Variants in PIK3C3 observed in about 807,000 individuals in gnomAD.
PIK3C3 encodes the protein phosphatidylinositol 3-kinase catalytic subunit type 3, also known as PI3-kinase type 3.
In PIK3C3, 95 loss-of-function variants were observed where a neutral mutation model predicts 126.1. That is an observed-to-expected ratio of 0.75 (90% confidence interval 0.64 to 0.89). The LOEUF (loss-of-function observed/expected upper bound fraction) is 0.89, where lower values mean the gene tolerates loss of function less well. Ranked by LOEUF, PIK3C3 falls within the 40% of genes least tolerant of loss-of-function variation. The pLI is 0.00. For missense variants in PIK3C3, 829 were observed against 1,063.2 expected, an observed-to-expected ratio of 0.78 and a Z score of 3.06; for synonymous variants, 374 against 360.0, an observed-to-expected ratio of 1.04 and a Z score of -0.44.
chr18:41,996,955 C>CTA (rs1982055537), intron 9 of PIK3C3, among the ~76,000 whole-genome samples: 1 of 152,058 alleles, frequency 6.6e-6, no homozygotes, highest in African/African-American at 2.4e-5. Context: ...GTTTTGAAGT[C>CTA]AGAGAGACTT....
At chr18:41,989,451 T>G (rs1981664001) in intron 5 of PIK3C3, among the ~76,000 whole-genome samples, 1 of 152,202 alleles carries the variant, frequency 6.6e-6, no homozygotes, top group Non-Finnish European at 1.5e-5. Flanking sequence ...ATTTTCACTT[T>G]ATCATCACCT....
chr18:42,065,663 T>C (rs1334847112), intron 23 of PIK3C3, among the ~76,000 whole-genome samples: 1 of 152,214 alleles, frequency 6.6e-6, no homozygotes, highest in Non-Finnish European at 1.5e-5. Context: ...TTTCCCTGTA[T>C]CCCTGTAAAG....
chr18:41,982,966 A>G (rs529756895), intron 4 of PIK3C3, among the ~76,000 whole-genome samples: 43 of 152,256 alleles, frequency 2.8e-4, no homozygotes, highest in Middle Eastern at 3.4e-3. Context: ...GCAGTCTTCT[A>G]TGGTTGGATA....
chr18:41,990,460 G>C lies in PIK3C3; in HGVS notation c.620G>C (p.Ser207Thr). The C allele has an allele frequency of 6.5e-7, 1 of 1,541,682 alleles. No individual in the cohort carries two copies. The highest frequency in any genetic ancestry group is 8.9e-7 in the Non-Finnish European group (1 of 1,117,874). Residue 207 changes from serine to threonine, a missense_variant and splice_region_variant, in exon 6 of 25, where the codon AGT (serine) becomes ACT (threonine). Physicochemically the swap from Ser to Thr is moderately conservative, Grantham distance 58. This residue lies in a region of PIK3C3 where 313 missense variants were observed against 340.7 expected (regional missense o/e 0.92). Coordinates refer to ENST00000262039, the MANE Select transcript of PIK3C3 (RefSeq NM_002647.4). ...TFREIEMINESEKRSSNFMYL... is the reference protein window; with the variant it reads ...TFREIEMINETEKRSSNFMYL... ...CATGAAAATCATTTTTTTTTTCAGA[G>C]TGAAAAACGAAGTTCTAATTTCATG... is the stretch of plus-strand genomic sequence containing the variant.
intron 22 of PIK3C3, among the ~76,000 whole-genome samples, chr18:42,064,459 A>G (rs1405586363): frequency 6.6e-6 from 1 of 152,174 alleles, no homozygotes; most frequent in Non-Finnish European, 1.5e-5. Context: ...TAAAATATAT[A>G]TATATACTTA....
chr18:42,081,183 C>CTTTGTTT lies in PIK3C3; in HGVS notation c.*46_*47insTTTGTTT. ...GATGCTTGGCTCAATAAGAAAACCACGTTAGGAGCAACCTTTGTATATTGG... is the reference window on the plus strand; with the variant it reads ...GATGCTTGGCTCAATAAGAAAACCACTTTGTTTGTTAGGAGCAACCTTTGTATATTGG... On this transcript the variant is annotated 3_prime_UTR_variant, in exon 25 of 25. Transcript: ENST00000262039. 2.1e-6 allele frequency: 3 copies of CTTTGTTT among 1,422,192 alleles called. No homozygotes were observed. The highest frequency in any genetic ancestry group is 2.0e-6 in the Non-Finnish European group (2 of 1,014,956). 88.1% of individuals were successfully genotyped at this position (1,422,192 alleles called of 1,614,324 possible).
At chr18:42,020,025 C>T (rs530491406) in intron 12 of PIK3C3, among the ~76,000 whole-genome samples, 5 of 152,140 alleles carry the variant, frequency 3.3e-5, no homozygotes, top group African/African-American at 1.2e-4. Flanking sequence ...CCTAGTCTAC[C>T]GTAATAGCAT....
intron 24 of PIK3C3, among the ~76,000 whole-genome samples, chr18:42,078,422 C>G (rs920334326): frequency 8.0e-5 from 12 of 149,480 alleles, no homozygotes; most frequent in African/African-American, 2.7e-4. Flanking sequence ...TTCAGTAAAC[C>G]ATATTATAAA....
chr18:41,992,707 G>A (rs1010622876), intron 6 of PIK3C3, among the ~76,000 whole-genome samples: 3 of 152,124 alleles, frequency 2.0e-5, no homozygotes, highest in African/African-American at 7.2e-5. Context: ...TATTATTCAA[G>A]TTTAGATTAT....
chr18:42,004,520 G>A lies in PIK3C3; in HGVS notation c.1149G>A (p.Arg383=). ...CTGTGAGGCGTTATGCTGTTGCCCG[G>A]TTGCGACAGGCCGATGATGAGGTGC... is the stretch of plus-strand genomic sequence containing the variant. ...NPTVRRYAVA[R]LRQADDEDLL... is the part of the protein sequence containing the mutation. Residue 383 remains arginine, a synonymous_variant, in exon 10 of 25, where the codon CGG becomes CGA. Coordinates refer to ENST00000262039, the MANE Select transcript of PIK3C3 (RefSeq NM_002647.4). 6.3e-7 allele frequency: 1 copy of A among 1,594,368 alleles called. No individual in the cohort carries two copies. The highest frequency in any genetic ancestry group is 8.5e-7 in the Non-Finnish European group (1 of 1,174,722).
chr18:42,041,438 T>C (rs1984313752), intron 19 of PIK3C3, among the ~76,000 whole-genome samples: 1 of 151,786 alleles, frequency 6.6e-6, no homozygotes, highest in African/African-American at 2.4e-5. Flanking sequence ...CCCCTTTAAA[T>C]ATGAGAAAAG....
At chr18:41,998,853 A>G (rs1037554754) in intron 9 of PIK3C3, among the ~76,000 whole-genome samples, 1 of 152,126 alleles carries the variant, frequency 6.6e-6, no homozygotes, top group Admixed American at 6.6e-5. Context: ...TGAAAAACGG[A>G]TACTCTCATA....
intron 15 of PIK3C3, among the ~76,000 whole-genome samples, chr18:42,031,030 A>G (rs1343534241): frequency 6.6e-6 from 1 of 152,204 alleles, no homozygotes; most frequent in Non-Finnish European, 1.5e-5. Flanking sequence ...ATTGGCTAAA[A>G]ATCTTTATAG....
At chr18:41,986,925 G>A (rs1283912148) in intron 4 of PIK3C3, among the ~76,000 whole-genome samples, 1 of 152,066 alleles carries the variant, frequency 6.6e-6, no homozygotes, top group Non-Finnish European at 1.5e-5. Context: ...AGTTGAGGAA[G>A]AGAAAGAAGA....
intron 12 of PIK3C3, among the ~76,000 whole-genome samples, chr18:42,018,847 A>T (rs569875370): frequency 1.3e-5 from 2 of 152,238 alleles, no homozygotes; most frequent in South Asian, 2.1e-4. Flanking sequence ...TACTTTCGCT[A>T]TGCCTGAATA....
intron 24 of PIK3C3, among the ~76,000 whole-genome samples, chr18:42,070,872 C>T (rs1477038518): frequency 6.6e-6 from 1 of 152,034 alleles, no homozygotes; most frequent in Non-Finnish European, 1.5e-5. Context: ...AATGGCAAAA[C>T]GAATTGGTAA....
chr18:41,990,062 G>A (rs1443804790), intron 5 of PIK3C3, among the ~76,000 whole-genome samples: 1 of 152,048 alleles, frequency 6.6e-6, no homozygotes, highest in Non-Finnish European at 1.5e-5. Context: ...GATTTCTATG[G>A]TTTAGTCATA....
At chr18:42,033,535 A>G (rs536477343) in intron 15 of PIK3C3, among the ~76,000 whole-genome samples, 1 of 152,326 alleles carries the variant, frequency 6.6e-6, no homozygotes, top group South Asian at 2.1e-4. Context: ...TCCAACTTGA[A>G]TAAATTCCTG....
At chr18:41,997,303 C>T (rs142243571) in intron 9 of PIK3C3, among the ~76,000 whole-genome samples, 18 of 152,162 alleles carry the variant, frequency 1.2e-4, no homozygotes, top group African/African-American at 4.1e-4. Context: ...TACAGGTTGG[C>T]ATACAGGATA....
Sources: allele counts gnomAD v4.1 joint callset (sites outside exome capture counted in the v4.1 genomes callset), GRCh38; gene constraint gnomAD v4.1.1; regional missense constraint gnomAD v4.1.1; transcripts MANE v1.5; gene names NCBI Gene and HGNC (gene_info 2026-07-23, HGNC 2026-07-21).